ARMC1: variants seen among roughly 807,000 people sequenced by gnomAD.
ARMC1 encodes the protein armadillo repeat-containing protein 1.
In ARMC1, 16 loss-of-function variants were observed where a neutral mutation model predicts 31.4. The ratio of observed to expected loss-of-function variants is 0.51; its 90% CI spans 0.34 to 0.77. The LOEUF (loss-of-function observed/expected upper bound fraction) is 0.77. ARMC1 is among the 30% of genes least tolerant of loss of function. The pLI, the probability that ARMC1 is intolerant of heterozygous loss-of-function variation, is 0.01. For missense variants in ARMC1, 259 were observed against 347.5 expected (o/e 0.75, Z 2.02); for synonymous variants, 114 against 118.9 (o/e 0.96, Z 0.27).
At chr8:65,626,722 TA>T (rs1369664618) in intron 2 of ARMC1, among the ~76,000 whole-genome samples, 3 of 152,012 alleles carry the variant, frequency 2.0e-5, no homozygotes, top group African/African-American at 7.2e-5. Flanking sequence ...ACAATTTGTA[TA>T]AAAGAATAAA....
intron 2 of ARMC1, among the ~76,000 whole-genome samples, chr8:65,624,497 T>TAAAAAAAAAAAAAAA (rs1217598853): frequency 4.1e-5 from 1 of 24,630 alleles, no homozygotes; most frequent in African/African-American, 1.3e-4. Flanking sequence ...AGACTCCATC[T>TAAAAAAAAAAAAAAA]CAAAAAAAAA....
chr8:65,625,074 T>C (rs564746557), intron 2 of ARMC1, among the ~76,000 whole-genome samples: 62 of 152,294 alleles, frequency 4.1e-4, no homozygotes, highest in African/African-American at 1.3e-3. Flanking sequence ...TGAGCCAAGA[T>C]TGTGCCATTG....
rs533921698 is a variant in ARMC1, at chr8:65,624,466, T to G, written c.184-2112A>C. 5.0e-5 allele frequency among the ~76,000 whole-genome samples: 6 copies of G among 120,434 alleles called. No individual in the cohort carries two copies. In the East Asian group the frequency reaches 1.6e-3, roughly 31 times the overall value. 79.0% of individuals were successfully genotyped at this position (120,434 alleles called of 152,430 possible). On this transcript the variant is annotated intron_variant, in intron 2 of 6. Transcript: ENST00000276569. ...GTGAGCTGAGATTGCGCCACTGCACTCCAGCCTAGGTGACAGAGCAAGACT... is the reference window on the plus strand; with the variant it reads ...GTGAGCTGAGATTGCGCCACTGCACGCCAGCCTAGGTGACAGAGCAAGACT...
At chr8:65,629,698 C>G (rs1808595114) in intron 1 of ARMC1, among the ~76,000 whole-genome samples, 1 of 149,808 alleles carries the variant, frequency 6.7e-6, no homozygotes. Context: ...ACTCGGGAGG[C>G]TGAGGCAGGA....
At chr8:65,624,306 C>T (rs189744417) in intron 2 of ARMC1, among the ~76,000 whole-genome samples, 1 of 151,186 alleles carries the variant, frequency 6.6e-6, no homozygotes, top group East Asian at 2.0e-4. Context: ...CAAGACCAGC[C>T]TGGCCAACAT....
chr8:65,622,401 A>C, intron 2 of ARMC1, 47 bp from the exon 3 acceptor site: 2 of 1,475,454 alleles, frequency 1.4e-6, no homozygotes, highest in Non-Finnish European at 1.9e-6. Flanking sequence ...CAGACTATTC[A>C]AAATTGAAAC....
chr8:65,618,390 C>T (rs1168097908), intron 3 of ARMC1, among the ~76,000 whole-genome samples: 4 of 151,596 alleles, frequency 2.6e-5, no homozygotes, highest in Non-Finnish European at 4.4e-5. Flanking sequence ...GGCGTGGTGG[C>T]GGGCGCCTGT....
At chr8:65,611,769 ACT>A (rs1207194675) in intron 4 of ARMC1, among the ~76,000 whole-genome samples, 4 of 148,516 alleles carry the variant, frequency 2.7e-5, no homozygotes, top group Non-Finnish European at 4.5e-5. Flanking sequence ...TTACACTTTC[ACT>A]TTTTTTTTCT....
At chr8:65,608,910 C>CA (rs904017879) in intron 4 of ARMC1, among the ~76,000 whole-genome samples, 4 of 149,788 alleles carry the variant, frequency 2.7e-5, no homozygotes, top group Non-Finnish European at 5.9e-5. Flanking sequence ...GACTCTGTCT[C>CA]AAAAAAAATA....
Position 65,604,249 on chromosome 8 carries a change from A to T in ARMC1, c.*145T>A. The T allele has an allele frequency of 1.4e-6, 1 of 706,256 alleles. No individual in the cohort carries two copies. The highest frequency in any genetic ancestry group is 3.1e-5 in the Admixed American group (1 of 32,428). 43.7% of individuals were successfully genotyped at this position (706,256 alleles called of 1,614,324 possible). A position where few individuals can be genotyped will look rare whatever the true frequency, so the allele number is the denominator to read the frequency against. On this transcript the variant is annotated 3_prime_UTR_variant, in exon 7 of 7. Coordinates refer to ENST00000276569, the MANE Select transcript of ARMC1 (RefSeq NM_018120.6). The stretch of plus-strand genomic sequence containing the variant: ...ACCACTCAGTGGGGTAAAATGTCCA[A>T]TAAAACGTGAAATGCAGCATATGCG...
intron 2 of ARMC1, among the ~76,000 whole-genome samples, chr8:65,623,153 C>A (rs1384399923): frequency 6.7e-6 from 1 of 149,418 alleles, no homozygotes; most frequent in Non-Finnish European, 1.5e-5. Context: ...ACTAAAAATA[C>A]AAAAATTAGC....
intron 3 of ARMC1, among the ~76,000 whole-genome samples, 188 bp from the exon 4 acceptor site, chr8:65,613,621 A>T (rs1808190334): frequency 6.6e-6 from 1 of 152,228 alleles, no homozygotes; most frequent in Non-Finnish European, 1.5e-5. Flanking sequence ...TTCTAATTTC[A>T]TTTTAAACCC....
At chr8:65,616,506 G>T (rs936427199) in intron 3 of ARMC1, among the ~76,000 whole-genome samples, 4 of 152,228 alleles carry the variant, frequency 2.6e-5, no homozygotes, top group African/African-American at 9.6e-5. Flanking sequence ...CCAGCCGCCT[G>T]CCTTGGCCTC....
intron 3 of ARMC1, among the ~76,000 whole-genome samples, chr8:65,619,881 G>A (rs996465295): frequency 1.8e-4 from 28 of 151,924 alleles, no homozygotes; most frequent in African/African-American, 6.5e-4. Context: ...GTACTTGGGA[G>A]GCTGAGGCAG....
chr8:65,624,490 C>T, intron 2 of ARMC1, among the ~76,000 whole-genome samples: 1 of 28,030 alleles, frequency 3.6e-5, no homozygotes, highest in Non-Finnish European at 9.3e-5. Context: ...CAGAGCAAGA[C>T]TCCATCTCAA....
intron 3 of ARMC1, among the ~76,000 whole-genome samples, chr8:65,616,360 C>T (rs1808257370): frequency 6.6e-6 from 1 of 152,220 alleles, no homozygotes; most frequent in Non-Finnish European, 1.5e-5. Flanking sequence ...GTCTCCAGCT[C>T]CTAACCACGA....
At position 65,627,318 on chromosome 8, in the gene ARMC1, A is replaced by T. The variant is rs1808532348; in HGVS notation, c.81T>A (p.Asp27Glu). Residue 27 changes from aspartate (D) to glutamate (E), a missense_variant, in exon 2 of 7, where the codon GAT becomes GAA. This residue lies in a region of ARMC1 where 163 missense variants were observed against 186.7 expected (regional missense o/e 0.87). Coordinates refer to ENST00000276569, the MANE Select transcript of ARMC1 (RefSeq NM_018120.6). ...VVNQLRDLAA[D>E]PLNRRAIVQD... Reference sequence around the variant, plus strand: ...GGACGATGGCTCTTCTGTTTAACGGATCTGCTGCTAGATCCCGTAACTGGT... The same window carrying T: ...GGACGATGGCTCTTCTGTTTAACGGTTCTGCTGCTAGATCCCGTAACTGGT... 5.6e-6 allele frequency: 9 copies of T among 1,613,330 alleles called. No individual in the cohort carries two copies. Among genetic ancestry groups the T allele is most frequent in the Non-Finnish European group, 7.6e-6 (9 of 1,179,728 alleles).
intron 4 of ARMC1, among the ~76,000 whole-genome samples, chr8:65,611,269 T>A (rs1808134340): frequency 6.6e-6 from 1 of 152,180 alleles, no homozygotes; most frequent in Non-Finnish European, 1.5e-5. Context: ...GGATCTATAG[T>A]GGTATCCTCT....
intron 3 of ARMC1, among the ~76,000 whole-genome samples, chr8:65,618,191 G>A (rs756831065): frequency 6.6e-5 from 10 of 151,356 alleles, no homozygotes; most frequent in Middle Eastern, 3.4e-3. Flanking sequence ...TGAGATTACC[G>A]GCATGAGCCA....
Sources: allele counts gnomAD v4.1 joint callset (sites outside exome capture counted in the v4.1 genomes callset), GRCh38; gene constraint gnomAD v4.1.1; regional missense constraint gnomAD v4.1.1; transcripts MANE v1.5; gene names NCBI Gene and HGNC (gene_info 2026-07-23, HGNC 2026-07-21).